DLG2: variants seen among roughly 807,000 people sequenced by gnomAD.
DLG2 encodes disks large homolog 2.
DLG2 carries 45 observed loss-of-function variants against 132.5 expected under a neutral mutation model. The ratio of observed to expected loss-of-function variants is 0.34; its 90% CI spans 0.27 to 0.44. The LOEUF (loss-of-function observed/expected upper bound fraction) is 0.44. DLG2 is among the 20% of genes least tolerant of loss of function. The probability of loss-of-function intolerance (pLI) is 1.00; values close to 1 mark genes in which losing one functional copy is unlikely to be tolerated. For synonymous variants in DLG2, 424 were observed against 419.6 expected, an observed-to-expected ratio of 1.01 and a Z score of -0.13; for missense variants, 1,045 against 1,196.9, an observed-to-expected ratio of 0.87 and a Z score of 1.87.
Position 83,786,598 on chromosome 11 carries a change from T to C in DLG2, c.1825+92A>G, listed in dbSNP as rs112800174. 137 of 1,148,484 alleles carry C rather than the reference T, an allele frequency of 1.2e-4. 1 individual carries two copies. The African/African-American group carries it at 1.7e-3, about 14-fold the overall frequency. 71.1% of individuals were successfully genotyped at this position (1,148,484 alleles called of 1,614,324 possible). A position where few individuals can be genotyped will look rare whatever the true frequency, so the allele number is the denominator to read the frequency against. On this transcript the variant is annotated intron_variant, in intron 18 of 27. Coordinates refer to ENST00000376104, the MANE Select transcript of DLG2 (RefSeq NM_001142699.3). ...AGGTAGGTTTACAAAACACCAATGA[T>C]GGTGACTCTAGTTAATAAAAATTAT...
chr11:85,456,358 T>C (rs2092422301), intron 3 of DLG2, among the ~76,000 whole-genome samples: 1 of 152,194 alleles, frequency 6.6e-6, no homozygotes, highest in Admixed American at 6.5e-5. Flanking sequence ...TTCTATATTT[T>C]CTTCTTTATT....
intron 18 of DLG2, among the ~76,000 whole-genome samples, chr11:83,694,634 A>C (rs1169061110): frequency 1.3e-5 from 2 of 152,154 alleles, no homozygotes; most frequent in African/African-American, 2.4e-5. Flanking sequence ...TCACGGTCCC[A>C]TTGTTTCTCT....
intron 6 of DLG2, among the ~76,000 whole-genome samples, chr11:84,885,991 C>G (rs1185114267): frequency 6.6e-6 from 1 of 152,006 alleles, no homozygotes; most frequent in Non-Finnish European, 1.5e-5. Context: ...GCATTGGGTT[C>G]AGGAGATTTA....
chr11:85,506,787 T>C (rs954764194), intron 3 of DLG2, among the ~76,000 whole-genome samples: 1 of 152,168 alleles, frequency 6.6e-6, no homozygotes, highest in African/African-American at 2.4e-5. Context: ...ACTTTCTGTC[T>C]CGTTGATCTG....
At chr11:83,892,678 G>A (rs2070288738) in intron 15 of DLG2, among the ~76,000 whole-genome samples, 1 of 148,600 alleles carries the variant, frequency 6.7e-6, no homozygotes, top group Admixed American at 6.7e-5. Flanking sequence ...CCCTTCACAT[G>A]TCTTAAGATT....
At chr11:83,741,391 A>T (rs2092497785) in intron 18 of DLG2, among the ~76,000 whole-genome samples, 1 of 152,198 alleles carries the variant, frequency 6.6e-6, no homozygotes. Flanking sequence ...ATATGATTCT[A>T]TACCAAGAAA....
At chr11:84,342,781 A>C (rs2098521339) in intron 7 of DLG2, among the ~76,000 whole-genome samples, 2 of 152,216 alleles carry the variant, frequency 1.3e-5, no homozygotes, top group South Asian at 2.1e-4. Context: ...CACCAACACC[A>C]AACATATTTA....
At chr11:84,746,366 G>A (rs1201059551) in intron 6 of DLG2, among the ~76,000 whole-genome samples, 2 of 150,336 alleles carry the variant, frequency 1.3e-5, no homozygotes, top group African/African-American at 4.9e-5. Flanking sequence ...TTAATATGCT[G>A]TATTATTTTA....
At chr11:84,106,301 A>G (rs75175474) in intron 9 of DLG2, among the ~76,000 whole-genome samples, 1,934 of 152,224 alleles carry the variant, frequency 0.013, 50 homozygotes, top group African/African-American at 0.043. Flanking sequence ...TTACTTGTTA[A>G]AATTATTTAA....
intron 6 of DLG2, among the ~76,000 whole-genome samples, chr11:85,058,665 A>G (rs2063710639): frequency 6.6e-6 from 1 of 151,622 alleles, no homozygotes; most frequent in African/African-American, 2.4e-5. Context: ...GATAGTGCTC[A>G]GTTTGCATAA....
At chr11:85,589,208 T>C (rs904612380) in intron 3 of DLG2, among the ~76,000 whole-genome samples, 2 of 152,208 alleles carry the variant, frequency 1.3e-5, no homozygotes, top group Non-Finnish European at 2.9e-5. Flanking sequence ...AGCCAGGATG[T>C]TGCAGGGCAC....
chr11:83,715,143 A>T (rs867898089), intron 18 of DLG2, among the ~76,000 whole-genome samples: 5 of 151,906 alleles, frequency 3.3e-5, no homozygotes, highest in South Asian at 4.2e-4. Context: ...TACAATTTTA[A>T]CTCCTTCCCT....
At chr11:84,711,023 T>G (rs937293107) in intron 6 of DLG2, among the ~76,000 whole-genome samples, 3 of 98,246 alleles carry the variant, frequency 3.1e-5, no homozygotes, top group African/African-American at 4.1e-5. Context: ...TATATATATA[T>G]ATATATATAG....
At chr11:83,536,902 G>A (rs908055277) in intron 20 of DLG2, among the ~76,000 whole-genome samples, 4 of 152,108 alleles carry the variant, frequency 2.6e-5, no homozygotes, top group African/African-American at 7.2e-5. Flanking sequence ...CTAGGTAAAA[G>A]TCTAGCATCA....
Position 85,467,902 on chromosome 11 carries a change from T to C in DLG2, c.40+130755A>G, listed in dbSNP as rs959506491. Among the ~76,000 whole-genome samples, 5 of 152,254 alleles carry C rather than the reference T, an allele frequency of 3.3e-5. No homozygotes were observed. The East Asian group carries it at 9.6e-4, about 29-fold the overall frequency. On this transcript the variant is annotated intron_variant, in intron 3 of 27. Transcript: ENST00000376104. ...AAGTAATGCTACCAGCAACTCCTTGTACCTCTGGTAGAATCCAGCTGTGAA... is the reference window on the plus strand; with the variant it reads ...AAGTAATGCTACCAGCAACTCCTTGCACCTCTGGTAGAATCCAGCTGTGAA...
chr11:85,551,559 AT>A (rs1246673004), intron 3 of DLG2, among the ~76,000 whole-genome samples: 1 of 152,092 alleles, frequency 6.6e-6, no homozygotes, highest in African/African-American at 2.4e-5. Flanking sequence ...ATTAATATAA[AT>A]TCACAAATTA....
intron 3 of DLG2, among the ~76,000 whole-genome samples, chr11:85,497,864 C>A (rs775315681): frequency 1.1e-4 from 16 of 152,210 alleles, no homozygotes; most frequent in Non-Finnish European, 1.9e-4. Flanking sequence ...AAATCTTTTA[C>A]AGACAAGCAA....
chr11:85,496,045 T>A (rs1298903079), intron 3 of DLG2, among the ~76,000 whole-genome samples: 1 of 152,146 alleles, frequency 6.6e-6, no homozygotes, highest in Non-Finnish European at 1.5e-5. Flanking sequence ...TCATTGGGAC[T>A]GGTTGGACAG....
At chr11:84,318,756 T>G (rs1264161697) in intron 7 of DLG2, among the ~76,000 whole-genome samples, 1 of 152,164 alleles carries the variant, frequency 6.6e-6, no homozygotes, top group Non-Finnish European at 1.5e-5. Context: ...TCAAAACACG[T>G]TTGTTCAATA....
Sources: allele counts gnomAD v4.1 joint callset (sites outside exome capture counted in the v4.1 genomes callset), GRCh38; gene constraint gnomAD v4.1.1; transcripts MANE v1.5; gene names NCBI Gene and HGNC (gene_info 2026-07-23, HGNC 2026-07-21).